The following DPP10 variants were observed in gnomAD, a reference collection of about 807,000 sequenced individuals.
DPP10 encodes the protein inactive dipeptidyl peptidase 10.
In DPP10, 33 loss-of-function variants were observed where a neutral mutation model predicts 120.9. The ratio of observed to expected loss-of-function variants is 0.27; its 90% CI spans 0.21 to 0.37. The LOEUF is 0.37. Among genes scored for constraint, DPP10 ranks in the 10% least tolerant of loss-of-function variants. The pLI is 1.00. For missense variants in DPP10, 816 were observed against 942.8 expected (o/e 0.87, Z 1.76); for synonymous variants, 337 against 326.1 (o/e 1.03, Z -0.36).
intron 1 of DPP10, among the ~76,000 whole-genome samples, chr2:114,739,438 C>A (rs1677800629): frequency 6.6e-6 from 1 of 152,126 alleles, no homozygotes. Flanking sequence ...ATGGGCAGAT[C>A]ACCTAAGGTC....
intron 5 of DPP10, among the ~76,000 whole-genome samples, chr2:115,674,009 C>T (rs962509848): frequency 6.6e-5 from 10 of 151,980 alleles, no homozygotes; most frequent in Admixed American, 2.0e-4. Flanking sequence ...GTCAGGAGTT[C>T]GAGACCAGCC....
chr2:115,423,178 G>A (rs950595727), intron 3 of DPP10, among the ~76,000 whole-genome samples: 10 of 151,936 alleles, frequency 6.6e-5, no homozygotes, highest in African/African-American at 2.2e-4. Flanking sequence ...AAATATAAAT[G>A]TTAACTTTTC....
At chr2:114,646,766 T>G (rs1696170822) in intron 1 of DPP10, among the ~76,000 whole-genome samples, 1 of 151,944 alleles carries the variant, frequency 6.6e-6, no homozygotes, top group Admixed American at 6.6e-5. Flanking sequence ...CTCAAGGGAG[T>G]TTTACTTTAT....
intron 1 of DPP10, among the ~76,000 whole-genome samples, chr2:114,961,033 C>CTTTTTTTT (rs772146022): frequency 3.8e-5 from 2 of 52,028 alleles, no homozygotes; most frequent in African/African-American, 1.5e-4. Context: ...CTCTATACGC[C>CTTTTTTTT]TTTTTTTTTT....
At chr2:114,998,060 AT>A (rs1701210677) in intron 1 of DPP10, among the ~76,000 whole-genome samples, 2 of 152,178 alleles carry the variant, frequency 1.3e-5, no homozygotes, top group Non-Finnish European at 2.9e-5. Flanking sequence ...CATCACCATG[AT>A]TTCTCACTCT....
intron 3 of DPP10, 42 bp downstream of exon 3, chr2:115,343,954 C>G (rs2063579549): frequency 6.7e-7 from 1 of 1,485,598 alleles, no homozygotes; most frequent in East Asian, 2.4e-5. Flanking sequence ...ATTTTGAGTT[C>G]TGTATAATTA....
At chr2:115,269,435 G>A (rs1191943511) in intron 1 of DPP10, among the ~76,000 whole-genome samples, 2 of 152,056 alleles carry the variant, frequency 1.3e-5, no homozygotes, top group Non-Finnish European at 2.9e-5. Context: ...TCTAATTTAA[G>A]GTCTCTAAAA....
Position 114,835,669 on chromosome 2 carries a change from T to C in DPP10, c.60+392831T>C, listed in dbSNP as rs1687675418. 2.0e-5 allele frequency: 3 copies of C among 152,188 alleles called. No individual in the cohort carries two copies. In the South Asian group the frequency reaches 6.2e-4, roughly 31 times the overall value. The allele number at this position is 152,188 out of a possible 1,614,324, so 9.4% of individuals were successfully genotyped here. A position where few individuals can be genotyped will look rare whatever the true frequency, so the allele number is the denominator to read the frequency against. On this transcript the variant is annotated intron_variant, in intron 1 of 25. Transcript: ENST00000410059. ...TCTCAGTGGAGGTCAAGATCTTGTT[T>C]CCTGGTCACTAAGAGCATGGGATAA...
intron 3 of DPP10, among the ~76,000 whole-genome samples, chr2:115,420,887 C>T (rs779583203): frequency 6.6e-6 from 1 of 152,062 alleles, no homozygotes; most frequent in Admixed American, 6.5e-5. Flanking sequence ...AGAAAAATAT[C>T]CAATGACTAA....
intron 2 of DPP10, among the ~76,000 whole-genome samples, chr2:115,310,103 C>G (rs781723821): frequency 6.6e-6 from 1 of 152,050 alleles, no homozygotes; most frequent in Non-Finnish European, 1.5e-5. Flanking sequence ...GTTGCTGCAA[C>G]CCACCCACCC....
chr2:114,442,969 T>C, intron 1 of DPP10, 131 bp downstream of exon 1: 1 of 1,154,570 alleles, frequency 8.7e-7, no homozygotes, highest in South Asian at 1.4e-5. Flanking sequence ...GAAGGTTGAG[T>C]CACAATAAAG....
chr2:114,944,955 G>A lies in DPP10; in HGVS notation c.61-364284G>A, dbSNP rs541177538. On this transcript the variant is annotated intron_variant, in intron 1 of 25. Coordinates refer to ENST00000410059, the MANE Select transcript of DPP10 (RefSeq NM_020868.6). Reference sequence around the variant, plus strand: ...ACACAAGTATAATCAACTGCTCTTTGAAAAAGGAGCAAAGATGTTGCTGCA... The same window carrying A: ...ACACAAGTATAATCAACTGCTCTTTAAAAAAGGAGCAAAGATGTTGCTGCA... Among the ~76,000 whole-genome samples, 11 of 152,216 alleles carry A rather than the reference G, an allele frequency of 7.2e-5. No individual in the cohort carries two copies. In the South Asian group the frequency reaches 2.3e-3, roughly 32 times the overall value.
rs191842344 is a variant in DPP10, at chr2:115,362,971, G to A, written c.271+19059G>A. 5.3e-5 allele frequency among the ~76,000 whole-genome samples: 8 copies of A among 152,274 alleles called. No individual in the cohort carries two copies. In the East Asian group the frequency reaches 1.5e-3, roughly 29 times the overall value. On this transcript the variant is annotated intron_variant, in intron 3 of 25. Transcript: ENST00000410059. Reference sequence around the variant, plus strand: ...ATAACACCTTGGTATCCTCTTTTGTGCAGTCATAACCCATGCCAGTTTTCA... The same window carrying A: ...ATAACACCTTGGTATCCTCTTTTGTACAGTCATAACCCATGCCAGTTTTCA...
intron 5 of DPP10, among the ~76,000 whole-genome samples, chr2:115,632,980 G>A (rs1221648267): frequency 6.6e-6 from 1 of 152,220 alleles, no homozygotes; most frequent in Non-Finnish European, 1.5e-5. Context: ...TACAATGTTG[G>A]TGGGACTGTA....
At chr2:114,902,716 G>C (rs191030296) in intron 1 of DPP10, among the ~76,000 whole-genome samples, 1 of 152,054 alleles carries the variant, frequency 6.6e-6, no homozygotes, top group African/African-American at 2.4e-5. Flanking sequence ...CTACGAGCTC[G>C]CACACATATA....
At chr2:115,523,909 A>G (rs979035694) in intron 4 of DPP10, among the ~76,000 whole-genome samples, 1 of 152,168 alleles carries the variant, frequency 6.6e-6, no homozygotes, top group East Asian at 1.9e-4. Flanking sequence ...TTAAAAACTA[A>G]AAAACAAAAT....
At chr2:114,875,913 A>G (rs964950196) in intron 1 of DPP10, among the ~76,000 whole-genome samples, 5 of 152,162 alleles carry the variant, frequency 3.3e-5, no homozygotes, top group African/African-American at 7.2e-5. Flanking sequence ...CTGTATGTTT[A>G]GTGGAATGTG....
At chr2:115,053,640 CA>C (rs1439014877) in intron 1 of DPP10, among the ~76,000 whole-genome samples, 1 of 151,994 alleles carries the variant, frequency 6.6e-6, no homozygotes, top group Non-Finnish European at 1.5e-5. Context: ...TAAACATTTA[CA>C]AAAAAATTTC....
At chr2:115,021,183 G>A (rs1372265499) in intron 1 of DPP10, among the ~76,000 whole-genome samples, 2 of 151,702 alleles carry the variant, frequency 1.3e-5, no homozygotes, top group Non-Finnish European at 2.9e-5. Context: ...GCAGAGCTAC[G>A]AAATTGAAAC....
Sources: gnomAD v4.1 joint callset for allele counts (sites outside exome capture counted in the v4.1 genomes callset) on GRCh38, gnomAD v4.1.1 for gene constraint, MANE v1.5 for transcripts, NCBI Gene and HGNC (gene_info 2026-07-23, HGNC 2026-07-21) for gene names.